ZNF23: variants seen among roughly 807,000 people sequenced by gnomAD.
ZNF23 encodes kruppel-like zinc finger factor X31.
A neutral mutation model predicts 56.2 loss-of-function variants in ZNF23; 48 were observed. That is an observed-to-expected ratio of 0.85 (90% CI 0.68 to 1.09). The LOEUF is 1.09. ZNF23 is among the 50% of genes least tolerant of loss of function. The pLI, the probability that ZNF23 is intolerant of heterozygous loss-of-function variation, is 0.00. For missense variants in ZNF23, 805 were observed against 811.4 expected (o/e 0.99, Z 0.10); for synonymous variants, 266 against 283.3 (o/e 0.94, Z 0.61).
At chr16:71,456,104 A>G in intron 2 of ZNF23, 1 of 452,818 alleles carries the variant, frequency 2.2e-6, no homozygotes, top group Non-Finnish European at 4.4e-6. Context: ...GATGAGCTTC[A>G]GGGGATCCGT....
At chr16:71,453,718 T>A (rs1343821193) in intron 3 of ZNF23, 1 of 510,332 alleles carries the variant, frequency 2.0e-6, no homozygotes, top group African/African-American at 1.9e-5. Flanking sequence ...CTGAGATCCT[T>A]GAAAAGACTC....
Position 71,454,091 on chromosome 16 carries a change from G to A in ZNF23, c.111C>T (p.Thr37=), listed in dbSNP as rs933500395. ...EWDGLSPAQR[T]LYRDVMLENY... ...TCTCCAGCATCACATCCCTGTACAG[G>A]GTCCTCTGTGCAGGGGACAGGCCAT... Residue 37 remains threonine (T), a synonymous_variant, in exon 3 of 5, where the codon ACC becomes ACT. Transcript: ENST00000647773. The A allele has an allele frequency of 2.5e-6, 4 of 1,613,932 alleles. No individual in the cohort carries two copies. The highest frequency in any genetic ancestry group is 1.6e-4 in the Middle Eastern group (1 of 6,084).
At position 71,454,026 on chromosome 16, in the gene ZNF23, G is replaced by C. The variant is rs769767249; in HGVS notation, c.160+16C>G. Reference sequence around the variant, plus strand: ...CAATTGGCAGATTCCAGGTTCCCAGGGTAGAGAGGTCTTACCCAGGGAGGC... The same window carrying C: ...CAATTGGCAGATTCCAGGTTCCCAGCGTAGAGAGGTCTTACCCAGGGAGGC... On this transcript the variant is annotated intron_variant, in intron 3 of 4. Transcript: ENST00000647773. The C allele has an allele frequency of 6.8e-6, 11 of 1,614,054 alleles. No homozygotes were observed. The Admixed American group carries it at 1.7e-4, about 24-fold the overall frequency.
chr16:71,451,448 A>G (rs2145083905), intron 4 of ZNF23: 1 of 152,308 alleles, frequency 6.6e-6, no homozygotes, highest in East Asian at 1.9e-4. Context: ...TGTCCTCCCC[A>G]CAAATTCATA....
chr16:71,454,290 A>C, intron 2 of ZNF23, 122 bp from the exon 3 acceptor site: 1 of 1,303,094 alleles, frequency 7.7e-7, no homozygotes. Flanking sequence ...TAGTATTAAC[A>C]ACAAGGGGAA....
intron 1 of ZNF23, among the ~76,000 whole-genome samples, chr16:71,457,539 G>A (rs1246285808): frequency 6.6e-6 from 1 of 151,936 alleles, no homozygotes; most frequent in Non-Finnish European, 1.5e-5. Flanking sequence ...CTCCAGCCTG[G>A]GCAACAGAGC....
intron 1 of ZNF23, among the ~76,000 whole-genome samples, chr16:71,460,488 G>A (rs924240103): frequency 1.3e-5 from 2 of 152,064 alleles, no homozygotes; most frequent in Non-Finnish European, 2.9e-5. Flanking sequence ...TCAATGTTTC[G>A]GAAATGAGTA....
rs141661873 is a variant in ZNF23 at position 71,448,719 on chromosome 16, G to A, written c.1435C>T (p.Arg479Trp). The part of the protein sequence containing the change: ...GKAFRCNSQF[R>W]QHLRIHTGEK... ...CCAGTGTGAATTCTCAGATGCTGCCGAAATTGGGAGTTACATCTGAAGGCT... is the reference window on the plus strand; with the variant it reads ...CCAGTGTGAATTCTCAGATGCTGCCAAAATTGGGAGTTACATCTGAAGGCT... Residue 479 changes from arginine to tryptophan, a missense_variant, in exon 5 of 5, where the codon CGG becomes TGG. By Grantham distance (101) the Arg-to-Trp change is moderately radical. Coordinates refer to ENST00000647773, the MANE Select transcript of ZNF23 (RefSeq NM_001381984.1). The A allele has an allele frequency of 3.2e-5, 52 of 1,613,722 alleles. No individual in the cohort carries two copies. The highest frequency in any genetic ancestry group is 8.0e-5 in the African/African-American group (6 of 74,796).
chr16:71,449,324 C>G lies in ZNF23; in HGVS notation c.830G>C (p.Ser277Thr). The change falls in exon 5 of 5, where the codon AGC becomes ACC. Residue 277 changes from serine to threonine, a missense_variant. Transcript: ENST00000647773. ...FKCVECGKSF[S>T]YSSHYITHQT... Reference sequence around the variant, plus strand: ...ATGTGTGATATAATGGGAACTGTAGCTGAAGCTTTTCCCACACTCCACACA... The same window carrying G: ...ATGTGTGATATAATGGGAACTGTAGGTGAAGCTTTTCCCACACTCCACACA... 6.2e-7 allele frequency: 1 copy of G among 1,614,208 alleles called. No individual in the cohort carries two copies. The highest frequency in any genetic ancestry group is 8.5e-7 in the Non-Finnish European group (1 of 1,180,026).
chr16:71,460,520 T>C (rs1243817584), intron 1 of ZNF23, among the ~76,000 whole-genome samples: 1 of 152,250 alleles, frequency 6.6e-6, no homozygotes, highest in Non-Finnish European at 1.5e-5. Flanking sequence ...ATGTAAACCG[T>C]AGCAGAGCAC....
Position 71,456,752 on chromosome 16 carries a change from C to G in ZNF23, c.33+12G>C, listed in dbSNP as rs550230425. 2.3e-5 allele frequency: 23 copies of G among 986,012 alleles called. No homozygotes were observed. In the South Asian group the frequency reaches 8.0e-4, roughly 34 times the overall value. The allele number at this position is 986,012 out of a possible 1,614,324, so 61.1% of individuals were successfully genotyped here. ...CTGCCCAGAGGAAGAGCTGAAGGACCCCACAGCTCACCTGGGGCCAGGCTG... is the reference window on the plus strand; with the variant it reads ...CTGCCCAGAGGAAGAGCTGAAGGACGCCACAGCTCACCTGGGGCCAGGCTG... On this transcript the variant is annotated intron_variant, in intron 2 of 4. Coordinates refer to ENST00000647773, the MANE Select transcript of ZNF23 (RefSeq NM_001381984.1).
In ZNF23 at chr16:71,460,683, T is replaced by A. The variant is rs554545864; in HGVS notation, c.-33+1527A>T. 7.6e-4 allele frequency among the ~76,000 whole-genome samples: 116 copies of A among 152,316 alleles called. 1 individual carries two copies. The highest frequency in any genetic ancestry group is 1.4e-3 in the Non-Finnish European group (98 of 68,024). ...AATACATCATGAGTAAGTAGGATTATCCCACGAAGATACTAATTAGTATAT... is the reference window on the plus strand; with the variant it reads ...AATACATCATGAGTAAGTAGGATTAACCCACGAAGATACTAATTAGTATAT... On this transcript the variant is annotated intron_variant, in intron 1 of 4. Transcript: ENST00000647773.
At chr16:71,454,272 C>A in intron 2 of ZNF23, 104 bp from the exon 3 acceptor site, 1 of 1,420,388 alleles carries the variant, frequency 7.0e-7, no homozygotes. Context: ...CTTGTGAGAG[C>A]ACAAAATTAG....
chr16:71,453,896 G>A, intron 3 of ZNF23, 146 bp downstream of exon 3: 1 of 1,006,530 alleles, frequency 9.9e-7, no homozygotes, highest in South Asian at 1.5e-5. Flanking sequence ...GCCCCTGCCA[G>A]TAACCTCTAA....
Position 71,457,375 on chromosome 16 carries a change from T to C in ZNF23, c.-32-547A>G, listed in dbSNP as rs191225426. ...GTCAGGAGATCAAGACCATCCTGGC[T>C]AACACGGTGAAACCCCGTCTCTACT... On this transcript the variant is annotated intron_variant, in intron 1 of 4. Coordinates refer to ENST00000647773, the MANE Select transcript of ZNF23 (RefSeq NM_001381984.1). 4.7e-3 allele frequency among the ~76,000 whole-genome samples: 722 copies of C among 152,242 alleles called. 9 individuals carry two copies. Among genetic ancestry groups the C allele is most frequent in the African/African-American group, 0.016 (667 of 41,536 alleles).
chr16:71,457,669 G>A (rs1167252445), intron 1 of ZNF23, among the ~76,000 whole-genome samples: 1 of 152,122 alleles, frequency 6.6e-6, no homozygotes, highest in Non-Finnish European at 1.5e-5. Flanking sequence ...AGGCTGCAGT[G>A]AGCCAGTATC....
rs376275643 is a variant in ZNF23, at chr16:71,449,677, G to A, written c.477C>T (p.Pro159=). 6.6e-5 allele frequency: 107 copies of A among 1,613,502 alleles called. No individual in the cohort carries two copies. The highest frequency in any genetic ancestry group is 7.2e-5 in the Non-Finnish European group (85 of 1,180,002). ...TTTGACTAAAAAAACACTCCTCCACGGGGCTTGTCTCATCTTTCACTGTTC... is the reference window on the plus strand; with the variant it reads ...TTTGACTAAAAAAACACTCCTCCACAGGGCTTGTCTCATCTTTCACTGTTC... ...IDGTVKDETS[P]VEECFFSQSS... is the part of the protein sequence containing the mutation. The change falls in exon 5 of 5, where the codon CCC becomes CCT. Residue 159 remains proline (P), a synonymous_variant. Transcript: ENST00000647773.
At chr16:71,450,857 A>G (rs1371293708) in intron 4 of ZNF23, 1 of 194,822 alleles carries the variant, frequency 5.1e-6, no homozygotes, top group Non-Finnish European at 1.1e-5. Context: ...TTCCTTACTT[A>G]AAAAAAAATG....
rs767308529 is a variant in ZNF23, at chr16:71,449,830, A to T, written c.324T>A (p.Asn108Lys). 1.5e-5 allele frequency: 25 copies of T among 1,612,950 alleles called. No individual in the cohort carries two copies. The highest frequency in any genetic ancestry group is 1.9e-5 in the Non-Finnish European group (23 of 1,179,880). The change falls in exon 5 of 5, where the codon AAT becomes AAA. Residue 108 changes from asparagine (N) to lysine (K), a missense_variant. Asn to Lys is a moderately conservative substitution (Grantham distance 94). Transcript: ENST00000647773. ...LTKEMYEGKE[N>K]VSFELQRDFS... ...AGTCTCTTTGAAGTTCAAATGATAC[A>T]TTCTCTTTTCCTTCATACATTTCCT...
Sources: gnomAD v4.1 joint callset for allele counts (sites outside exome capture counted in the v4.1 genomes callset) on GRCh38, gnomAD v4.1.1 for gene constraint, MANE v1.5 for transcripts, NCBI Gene and HGNC (gene_info 2026-07-23, HGNC 2026-07-21) for gene names.